Variants in SDCBP observed in about 807,000 individuals in gnomAD.
SDCBP encodes syntenin-1.
SDCBP carries 22 observed loss-of-function variants against 30.5 expected under a neutral mutation model. The ratio of observed to expected loss-of-function variants is 0.72; its 90% CI spans 0.52 to 1.03. The LOEUF is 1.03. Ranked by LOEUF, SDCBP falls within the 50% of genes least tolerant of loss-of-function variation. SDCBP has a pLI of 0.00. For synonymous variants in SDCBP, 103 were observed against 118.7 expected (o/e 0.87, Z 0.86); for missense variants, 304 against 369.9 (o/e 0.82, Z 1.46).
intron 2 of SDCBP, among the ~76,000 whole-genome samples, chr8:58,565,473 C>A (rs1804658182): frequency 1.3e-5 from 2 of 152,090 alleles, no homozygotes; most frequent in East Asian, 1.9e-4. Flanking sequence ...TGTCTCTTAA[C>A]TGAAGTTAAA....
At chr8:58,571,489 C>T (rs965169088) in intron 3 of SDCBP, among the ~76,000 whole-genome samples, 1 of 152,090 alleles carries the variant, frequency 6.6e-6, no homozygotes, top group African/African-American at 2.4e-5. Flanking sequence ...AATACTATGA[C>T]TTAAGATACA....
chr8:58,566,552 G>A (rs1804715266), intron 2 of SDCBP, among the ~76,000 whole-genome samples: 1 of 152,196 alleles, frequency 6.6e-6, no homozygotes, highest in South Asian at 2.1e-4. Context: ...TATGTTCAGA[G>A]CAGAAAGCAG....
At chr8:58,561,822 A>G (rs1197460162) in intron 1 of SDCBP, 3 of 677,558 alleles carry the variant, frequency 4.4e-6, no homozygotes, top group East Asian at 2.7e-5. Flanking sequence ...TTTCTGATAT[A>G]TAAGTCTAAG....
At chr8:58,553,561 G>A (rs1563499578) in intron 1 of SDCBP, among the ~76,000 whole-genome samples, 1 of 149,134 alleles carries the variant, frequency 6.7e-6, no homozygotes, top group Admixed American at 6.7e-5. Flanking sequence ...TGCCCGGGCT[G>A]GGGCTGGGGC....
intron 6 of SDCBP, 36 bp downstream of exon 6, chr8:58,578,244 A>T: frequency 6.9e-7 from 1 of 1,439,634 alleles, no homozygotes; most frequent in Non-Finnish European, 9.2e-7. Flanking sequence ...TGAAAATTCA[A>T]TACTAGTTTT....
intron 1 of SDCBP, among the ~76,000 whole-genome samples, chr8:58,562,513 A>G (rs768870408): frequency 8.6e-5 from 13 of 151,754 alleles, no homozygotes; most frequent in Non-Finnish European, 1.8e-4. Flanking sequence ...TCAGTGAAAT[A>G]GAATTGAGAT....
chr8:58,572,481 T>C (rs1805083371), intron 4 of SDCBP, among the ~76,000 whole-genome samples, 167 bp downstream of exon 4: 1 of 152,178 alleles, frequency 6.6e-6, no homozygotes, highest in Non-Finnish European at 1.5e-5. Flanking sequence ...GTCTACTTCA[T>C]TTTGTGCTAC....
At position 58,572,243 on chromosome 8, in the gene SDCBP, A is replaced by G. The variant is rs771363713; in HGVS notation, c.169A>G (p.Met57Val). The change falls in exon 4 of 9, where the codon ATG (methionine) becomes GTG (valine). Residue 57 changes from methionine to valine, a missense_variant. Physicochemically the swap from Met to Val is conservative, Grantham distance 21 (BLOSUM62 1). Transcript: ENST00000260130. Reference protein sequence around the residue: ...PRLYPELSQYMGLSLNEEEIR... With the variant: ...PRLYPELSQYVGLSLNEEEIR... The stretch of plus-strand genomic sequence containing the variant: ...ACTGTATCCAGAGCTCTCTCAATAC[A>G]TGGGGCTGAGTTTAAATGAAGAAGA... 1.2e-6 allele frequency: 2 copies of G among 1,611,992 alleles called. No individual in the cohort carries two copies. Among genetic ancestry groups the G allele is most frequent in the African/African-American group, 1.3e-5 (1 of 74,984 alleles).
rs1334210370 is a variant in SDCBP at position 58,573,001 on chromosome 8, TTTCACCATG to T, written c.240+690_240+698del. 2.6e-5 allele frequency among the ~76,000 whole-genome samples: 4 copies of T among 151,894 alleles called. No homozygotes were observed. The East Asian group carries it at 7.7e-4, about 29-fold the overall frequency. ...TTTTGTATTTTTAGTAGAGACCGGG[TTTCACCATG>T]TTGGCCACGCTGGTCTCGAACACCT... is the stretch of plus-strand genomic sequence containing the variant. On this transcript the variant is annotated intron_variant, in intron 4 of 8. Coordinates refer to ENST00000260130, the MANE Select transcript of SDCBP (RefSeq NM_005625.4).
rs1331416537 is a variant in SDCBP, at chr8:58,582,184, T to C, written c.*444T>C. ...ATTTAGAATGATTGCCTTTGATTTT[T>C]TTTTTAAATTCTGTGTGTGTGTGTG... On this transcript the variant is annotated 3_prime_UTR_variant, in exon 9 of 9. Transcript: ENST00000260130. The C allele has an allele frequency of 6.4e-6, 1 of 156,656 alleles. No individual in the cohort carries two copies. Among genetic ancestry groups the C allele is most frequent in the Non-Finnish European group, 1.4e-5 (1 of 70,938 alleles). The allele number at this position is 156,656 out of a possible 1,614,324, so 9.7% of individuals were successfully genotyped here.
intron 1 of SDCBP, among the ~76,000 whole-genome samples, chr8:58,563,558 G>A (rs1277345076): frequency 6.7e-6 from 1 of 150,188 alleles, no homozygotes; most frequent in Non-Finnish European, 1.5e-5. Context: ...ATTTTAGAGT[G>A]TGTGAATTAA....
intron 1 of SDCBP, among the ~76,000 whole-genome samples, chr8:58,557,417 A>G (rs1206454472): frequency 3.5e-5 from 5 of 143,116 alleles, no homozygotes; most frequent in Admixed American, 2.9e-4. Flanking sequence ...ATAATGTAAT[A>G]TAATATATAT....
chr8:58,554,139 A>G (rs542845592), intron 1 of SDCBP, among the ~76,000 whole-genome samples: 1 of 152,352 alleles, frequency 6.6e-6, no homozygotes, highest in East Asian at 1.9e-4. Flanking sequence ...TAGTCTGTAT[A>G]ACCACATACA....
At chr8:58,570,791 G>C (rs1162832070) in intron 2 of SDCBP, 96 bp from the exon 3 acceptor site, 16 of 768,400 alleles carry the variant, frequency 2.1e-5, no homozygotes, top group Non-Finnish European at 8.5e-6. Flanking sequence ...CATTGTTTTA[G>C]TTTCTTTTTG....
intron 8 of SDCBP, among the ~76,000 whole-genome samples, chr8:58,580,848 A>G (rs944680656): frequency 2.6e-5 from 4 of 152,180 alleles, no homozygotes; most frequent in Admixed American, 2.0e-4. Flanking sequence ...GGTAGAAAAA[A>G]GGTATGCAAG....
intron 4 of SDCBP, among the ~76,000 whole-genome samples, chr8:58,573,410 T>A (rs138435371): frequency 4.8e-4 from 73 of 152,148 alleles, no homozygotes; most frequent in African/African-American, 1.6e-3. Context: ...GGTTGAAAAA[T>A]TGAAAAAAAC....
At chr8:58,556,994 A>G (rs1394364910) in intron 1 of SDCBP, among the ~76,000 whole-genome samples, 4 of 138,042 alleles carry the variant, frequency 2.9e-5, no homozygotes, top group African/African-American at 8.2e-5. Context: ...TATATTGTAT[A>G]TCATACTATT....
At chr8:58,570,537 C>G (rs1804956743) in intron 2 of SDCBP, among the ~76,000 whole-genome samples, 1 of 151,916 alleles carries the variant, frequency 6.6e-6, no homozygotes, top group African/African-American at 2.4e-5. Context: ...TTTACTTGGA[C>G]TAATTAGTAA....
chr8:58,566,305 T>C (rs886812047), intron 2 of SDCBP, among the ~76,000 whole-genome samples: 4 of 152,210 alleles, frequency 2.6e-5, no homozygotes, highest in African/African-American at 9.6e-5. Context: ...GATGGACCTG[T>C]AAGAATGACT....
Sources: allele counts gnomAD v4.1 joint callset (sites outside exome capture counted in the v4.1 genomes callset), GRCh38; gene constraint gnomAD v4.1.1; transcripts MANE v1.5; gene names NCBI Gene and HGNC (gene_info 2026-07-23, HGNC 2026-07-21).